The following DGKI variants were observed in gnomAD, a reference collection of about 807,000 sequenced individuals.
DGKI encodes diacylglycerol kinase iota, also known as DAG kinase iota.
In DGKI, 55 loss-of-function variants were observed where a neutral mutation model predicts 147.5. The ratio of observed to expected loss-of-function variants is 0.37; its 90% CI spans 0.30 to 0.47. The LOEUF (loss-of-function observed/expected upper bound fraction) is 0.47. Among genes scored for constraint, DGKI ranks in the 20% least tolerant of loss-of-function variants. The probability of loss-of-function intolerance (pLI) is 1.00; values close to 1 mark genes in which losing one functional copy is unlikely to be tolerated. For synonymous variants in DGKI, 469 were observed against 477.1 expected (o/e 0.98, Z 0.22); for missense variants, 1,007 against 1,323.8 (o/e 0.76, Z 3.71).
chr7:137,459,385 A>G (rs566854469), intron 27 of DGKI, among the ~76,000 whole-genome samples: 3 of 148,190 alleles, frequency 2.0e-5, no homozygotes, highest in African/African-American at 5.0e-5. Context: ...TTGCAGGTAT[A>G]TTTCTTTCTG....
At chr7:137,694,043 C>A (rs1585378946) in intron 1 of DGKI, among the ~76,000 whole-genome samples, 1 of 152,200 alleles carries the variant, frequency 6.6e-6, no homozygotes, top group South Asian at 2.1e-4. Context: ...TATGGAAGGC[C>A]GGGCACGGTG....
At chr7:137,536,546 A>G (rs834067) in intron 20 of DGKI, among the ~76,000 whole-genome samples, 33,359 of 152,054 alleles carry the variant, frequency 0.22, 6,411 homozygotes, top group African/African-American at 0.51. Flanking sequence ...AGATTTTTGG[A>G]GGGCAGATTT....
At position 137,407,987 on chromosome 7, in the gene DGKI, T is replaced by A; in HGVS notation, c.2808A>T (p.Glu936Asp). The A allele has an allele frequency of 6.5e-7, 1 of 1,539,184 alleles. No individual in the cohort carries two copies. Among genetic ancestry groups the A allele is most frequent in the Non-Finnish European group, 8.7e-7 (1 of 1,150,610 alleles). Residue 936 changes from glutamate (E) to aspartate (D), a missense_variant, in exon 30 of 33, where the codon GAA (glutamate) becomes GAT (aspartate). By Grantham distance (45) the Glu-to-Asp change is conservative. Around this residue, in one of 5 missense-constraint regions of DGKI, gnomAD observed 385 missense variants for 445.2 expected, o/e 0.86. Transcript: ENST00000614521. ...VIAGDLMKLI[E>D]SYKNGGSLLI... The stretch of plus-strand genomic sequence containing the variant: ...GCAGACTGCCTCCATTTTTATAGCT[T>A]TCTATTAGCTGCAAAGAGAGACATA...
intron 1 of DGKI, among the ~76,000 whole-genome samples, chr7:137,777,353 G>A (rs1796392724): frequency 6.6e-6 from 1 of 152,088 alleles, no homozygotes; most frequent in African/African-American, 2.4e-5. Context: ...CACCAAGAAA[G>A]AATCTCCATA....
chr7:137,511,346 T>C (rs1170294072), intron 21 of DGKI, among the ~76,000 whole-genome samples: 6 of 152,240 alleles, frequency 3.9e-5, no homozygotes, highest in Non-Finnish European at 7.3e-5. Context: ...CACTTTTAAT[T>C]ACTCAAATTC....
At chr7:137,765,413 T>C (rs1425767961) in intron 1 of DGKI, among the ~76,000 whole-genome samples, 1 of 152,258 alleles carries the variant, frequency 6.6e-6, no homozygotes, top group African/African-American at 2.4e-5. Context: ...GTTTTTGTCA[T>C]CGATTACATT....
intron 11 of DGKI, among the ~76,000 whole-genome samples, chr7:137,598,830 C>G (rs1436878791): frequency 6.6e-6 from 1 of 151,752 alleles, no homozygotes; most frequent in Non-Finnish European, 1.5e-5. Flanking sequence ...GCAGATTTGC[C>G]TTAGCATAAT....
chr7:137,571,069 G>A (rs1818777419), intron 19 of DGKI, 106 bp downstream of exon 19: 1 of 758,740 alleles, frequency 1.3e-6, no homozygotes, highest in East Asian at 3.0e-5. Flanking sequence ...TTCATAAAAT[G>A]TGTAACTTGA....
intron 1 of DGKI, among the ~76,000 whole-genome samples, chr7:137,831,908 G>C (rs1008893766): frequency 6.6e-6 from 1 of 152,192 alleles, no homozygotes; most frequent in Non-Finnish European, 1.5e-5. Context: ...ATTCCAAATG[G>C]GAGAGACTGG....
intron 1 of DGKI, among the ~76,000 whole-genome samples, chr7:137,695,244 A>G (rs1317284027): frequency 6.6e-6 from 1 of 152,174 alleles, no homozygotes; most frequent in Non-Finnish European, 1.5e-5. Flanking sequence ...AGATGTGCAA[A>G]CATCTGACTA....
chr7:137,387,117 C>T lies in DGKI; in HGVS notation c.*4103G>A, dbSNP rs1353370847. ...GTTACACCTTCCCGGAAGTAGCCTGCCCTAATTAAATATCACTAGGCAACC... is the reference window on the plus strand; with the variant it reads ...GTTACACCTTCCCGGAAGTAGCCTGTCCTAATTAAATATCACTAGGCAACC... On this transcript the variant is annotated 3_prime_UTR_variant, in exon 33 of 33. Transcript: ENST00000614521. The T allele has an allele frequency of 3.9e-5, 6 of 152,120 alleles. No individual in the cohort carries two copies. The highest frequency in any genetic ancestry group is 7.4e-5 in the Non-Finnish European group (5 of 68,022). The allele number at this position is 152,120 out of a possible 1,614,324, so 9.4% of individuals were successfully genotyped here. A position where few individuals can be genotyped will look rare whatever the true frequency, so the allele number is the denominator to read the frequency against.
At chr7:137,577,943 T>C (rs1819045381) in intron 16 of DGKI, among the ~76,000 whole-genome samples, 1 of 152,228 alleles carries the variant, frequency 6.6e-6, no homozygotes, top group South Asian at 2.1e-4. Context: ...ACATCCTCAG[T>C]CTACACAATT....
At chr7:137,454,900 C>T (rs1404646242) in intron 27 of DGKI, 1 of 152,022 alleles carries the variant, frequency 6.6e-6, no homozygotes, top group Non-Finnish European at 1.5e-5. Flanking sequence ...TCTTTTTAAG[C>T]ATAAGTTGAA....
In DGKI at chr7:137,483,407, C is replaced by A. The variant is rs995282361; in HGVS notation, c.2373+1967G>T. ...ACTACTACTGCCAATTGTTAGAGAT[C>A]AGCTCTTACCTTTAAAAGGACTATG... On this transcript the variant is annotated intron_variant, in intron 23 of 32. Coordinates refer to ENST00000614521, the MANE Select transcript of DGKI (RefSeq NM_001321708.2). Among the ~76,000 whole-genome samples the A allele has an allele frequency of 4.6e-5, 7 of 152,012 alleles. 1 individual carries two copies. The highest frequency in any genetic ancestry group is 1.7e-4 in the African/African-American group (7 of 41,422).
chr7:137,758,406 C>A (rs1428093272), intron 1 of DGKI, among the ~76,000 whole-genome samples: 1 of 152,146 alleles, frequency 6.6e-6, no homozygotes. Context: ...ATCTCAGAGG[C>A]CATGTGCGGT....
intron 1 of DGKI, among the ~76,000 whole-genome samples, chr7:137,724,492 TG>T (rs1462117682): frequency 6.6e-6 from 1 of 152,210 alleles, no homozygotes; most frequent in Admixed American, 6.5e-5. Context: ...GAGTGGTAAC[TG>T]TGCTGGTGGT....
At position 137,465,991 on chromosome 7, in the gene DGKI, A is replaced by G; in HGVS notation, c.2529T>C (p.Phe843=). The G allele has an allele frequency of 6.2e-7, 1 of 1,614,130 alleles. No individual in the cohort carries two copies. Among genetic ancestry groups the G allele is most frequent in the Non-Finnish European group, 8.5e-7 (1 of 1,179,962 alleles). Residue 843 remains phenylalanine (F), a synonymous_variant, in exon 26 of 33, where the codon TTT becomes TTC. Transcript: ENST00000614521. Reference sequence around the variant, plus strand: ...ACACCACCATATCTGGGTCCAGAATAAAAATCTCATCTTGGGAAATCTCCA... The same window carrying G: ...ACACCACCATATCTGGGTCCAGAATGAAAATCTCATCTTGGGAAATCTCCA... ...FVMEISQDEI[F]ILDPDMVVSQ...
intron 10 of DGKI, among the ~76,000 whole-genome samples, chr7:137,602,550 G>A (rs1345225808): frequency 2.0e-5 from 3 of 152,126 alleles, no homozygotes. Flanking sequence ...AAAAATGTAA[G>A]TATCTAAAAG....
At chr7:137,445,432 C>T (rs547587403) in intron 27 of DGKI, among the ~76,000 whole-genome samples, 4 of 152,058 alleles carry the variant, frequency 2.6e-5, no homozygotes, top group Non-Finnish European at 5.9e-5. Flanking sequence ...CGGAAACCTG[C>T]CACAATCCCT....
Sources: gnomAD v4.1 joint callset for allele counts (sites outside exome capture counted in the v4.1 genomes callset) on GRCh38, gnomAD v4.1.1 for gene constraint, gnomAD v4.1.1 regional missense constraint, MANE v1.5 for transcripts, NCBI Gene and HGNC (gene_info 2026-07-23, HGNC 2026-07-21) for gene names.